Variants in CNTNAP2 observed in about 807,000 individuals in gnomAD.
CNTNAP2 encodes contactin associated protein 2, also known as contactin-associated protein-like 2.
CNTNAP2 carries 98 observed loss-of-function variants against 155.2 expected under a neutral mutation model. The observed-to-expected ratio is 0.63, with a 90% CI of 0.54 to 0.75. CNTNAP2 has a LOEUF of 0.75. CNTNAP2 is among the 30% of genes least tolerant of loss of function. The probability of loss-of-function intolerance (pLI) is 0.00; values close to 1 mark genes in which losing one functional copy is unlikely to be tolerated. For missense variants in CNTNAP2, 1,727 were observed against 1,688.1 expected, an observed-to-expected ratio of 1.02 and a Z score of -0.40; for synonymous variants, 651 against 631.2, an observed-to-expected ratio of 1.03 and a Z score of -0.47.
intron 11 of CNTNAP2, among the ~76,000 whole-genome samples, chr7:147,516,774 A>G (rs746146656): frequency 5.3e-5 from 8 of 151,790 alleles, no homozygotes; most frequent in Non-Finnish European, 8.8e-5. Context: ...CTCTATGTCA[A>G]TCATATAGCT....
intron 12 of CNTNAP2, among the ~76,000 whole-genome samples, chr7:147,606,817 GC>G (rs1438432743): frequency 2.0e-5 from 3 of 152,048 alleles, no homozygotes; most frequent in African/African-American, 4.8e-5. Flanking sequence ...TCTGACAAGT[GC>G]TTTGAAGCTG....
intron 11 of CNTNAP2, among the ~76,000 whole-genome samples, chr7:147,540,770 G>A (rs899713459): frequency 7.9e-5 from 12 of 151,730 alleles, no homozygotes; most frequent in African/African-American, 1.7e-4. Context: ...GTTGGAGGTC[G>A]CAATGAGCCG....
At chr7:147,396,130 A>G (rs1796811154) in intron 10 of CNTNAP2, among the ~76,000 whole-genome samples, 1 of 147,910 alleles carries the variant, frequency 6.8e-6, no homozygotes, top group Non-Finnish European at 1.5e-5. Context: ...TATATTGTAT[A>G]TATAGCATAT....
In CNTNAP2 at chr7:147,290,598, G is replaced by A. The variant is rs527609423; in HGVS notation, c.1349-9543G>A. ...CTCGGGAGGTTGAGGCAGGAGAATT[G>A]CTTGAACCCGGGAGGTGGAGGTTGC... On this transcript the variant is annotated intron_variant, in intron 8 of 23. Transcript: ENST00000361727. Among the ~76,000 whole-genome samples the A allele has an allele frequency of 1.4e-3, 204 of 149,392 alleles. 3 individuals are homozygous for A. The highest frequency in any genetic ancestry group is 4.9e-3 in the African/African-American group (196 of 40,410).
chr7:146,642,209 C>T (rs1799721514), intron 1 of CNTNAP2, among the ~76,000 whole-genome samples: 2 of 150,768 alleles, frequency 1.3e-5, no homozygotes, highest in African/African-American at 2.4e-5. Flanking sequence ...GCACAATGTG[C>T]AGGTTAGTTA....
At chr7:146,444,970 G>A (rs1443802171) in intron 1 of CNTNAP2, among the ~76,000 whole-genome samples, 2 of 151,192 alleles carry the variant, frequency 1.3e-5, no homozygotes, top group Admixed American at 6.6e-5. Flanking sequence ...AAGCCACCAC[G>A]CCCAGCCCAT....
intron 15 of CNTNAP2, among the ~76,000 whole-genome samples, chr7:148,117,448 G>C (rs952641075): frequency 6.6e-6 from 1 of 152,180 alleles, no homozygotes; most frequent in Non-Finnish European, 1.5e-5. Flanking sequence ...ACCTCCTCCA[G>C]GCTCCGTCAG....
At chr7:147,133,744 C>T (rs1270257621) in intron 8 of CNTNAP2, among the ~76,000 whole-genome samples, 2 of 151,938 alleles carry the variant, frequency 1.3e-5, no homozygotes, top group African/African-American at 4.8e-5. Context: ...AATGTATGGT[C>T]TATTACTGAA....
At chr7:146,232,960 T>G (rs1482937039) in intron 1 of CNTNAP2, among the ~76,000 whole-genome samples, 1 of 152,166 alleles carries the variant, frequency 6.6e-6, no homozygotes, top group East Asian at 1.9e-4. Context: ...CCCATTTAAT[T>G]ATTCCATCTC....
At chr7:146,199,454 A>G (rs1798825484) in intron 1 of CNTNAP2, among the ~76,000 whole-genome samples, 1 of 152,188 alleles carries the variant, frequency 6.6e-6, no homozygotes, top group Non-Finnish European at 1.5e-5. Context: ...AGGAATAAGA[A>G]GGAAAGATAG....
chr7:148,235,743 C>T (rs965549520), intron 20 of CNTNAP2, among the ~76,000 whole-genome samples: 3 of 142,124 alleles, frequency 2.1e-5, no homozygotes, highest in South Asian at 2.2e-4. Flanking sequence ...TGGAGTGCAG[C>T]GGCACGATCT....
At chr7:146,745,313 A>T (rs913510546) in intron 1 of CNTNAP2, among the ~76,000 whole-genome samples, 2 of 152,158 alleles carry the variant, frequency 1.3e-5, no homozygotes, top group Non-Finnish European at 2.9e-5. Context: ...ATCTCATTTG[A>T]TCCTCACGAT....
intron 8 of CNTNAP2, among the ~76,000 whole-genome samples, chr7:147,135,929 C>T (rs1056348699): frequency 3.8e-4 from 57 of 151,384 alleles, no homozygotes; most frequent in African/African-American, 1.3e-3. Context: ...AACTCCATCA[C>T]TCTATATTGG....
At chr7:147,062,430 T>C (rs1799702251) in intron 4 of CNTNAP2, among the ~76,000 whole-genome samples, 1 of 152,106 alleles carries the variant, frequency 6.6e-6, no homozygotes, top group East Asian at 1.9e-4. Context: ...AACCATATTA[T>C]GAAGTGTAGC....
intron 4 of CNTNAP2, among the ~76,000 whole-genome samples, chr7:147,098,183 G>A (rs1463339343): frequency 6.6e-6 from 1 of 152,122 alleles, no homozygotes; most frequent in Non-Finnish European, 1.5e-5. Context: ...ACTAGCACAG[G>A]AGTTATCTTT....
At chr7:148,098,874 G>A (rs1401656607) in intron 15 of CNTNAP2, among the ~76,000 whole-genome samples, 1 of 152,108 alleles carries the variant, frequency 6.6e-6, no homozygotes, top group African/African-American at 2.4e-5. Flanking sequence ...GAACTTTGAA[G>A]AGAAGGATAA....
intron 13 of CNTNAP2, among the ~76,000 whole-genome samples, chr7:147,798,254 C>T: frequency 6.6e-6 from 1 of 151,990 alleles, no homozygotes; most frequent in East Asian, 1.9e-4. Flanking sequence ...ATCATTTTCC[C>T]TTATGGATAC....
chr7:147,396,510 A>G (rs527253251), intron 10 of CNTNAP2, among the ~76,000 whole-genome samples: 2 of 152,178 alleles, frequency 1.3e-5, no homozygotes, highest in East Asian at 3.9e-4. Context: ...AAAATATGAC[A>G]AAAATCAAAT....
intron 8 of CNTNAP2, among the ~76,000 whole-genome samples, chr7:147,202,948 T>C (rs936812380): frequency 1.3e-5 from 2 of 151,552 alleles, no homozygotes; most frequent in Admixed American, 6.6e-5. Context: ...GAACAACTCT[T>C]ATGTTCAAAT....
Sources: allele counts gnomAD v4.1 joint callset (sites outside exome capture counted in the v4.1 genomes callset), GRCh38; gene constraint gnomAD v4.1.1; transcripts MANE v1.5; gene names NCBI Gene and HGNC (gene_info 2026-07-23, HGNC 2026-07-21).